PKD1L1: variants seen among roughly 807,000 people sequenced by gnomAD.
The protein encoded by PKD1L1 is polycystin-1-like protein 1.
In PKD1L1, 236 loss-of-function variants were observed where a neutral mutation model predicts 323.4. That is an observed-to-expected ratio of 0.73 (90% confidence interval 0.66 to 0.81). The LOEUF is 0.81. Among genes scored for constraint, PKD1L1 ranks in the 40% least tolerant of loss-of-function variants. The probability of loss-of-function intolerance (pLI) is 0.00; values close to 1 mark genes in which losing one functional copy is unlikely to be tolerated. For synonymous variants in PKD1L1, 1,344 were observed against 1,335.0 expected (o/e 1.01, Z -0.15); for missense variants, 3,320 against 3,508.0 (o/e 0.95, Z 1.35).
At chr7:47,866,343 G>A (rs1786167835) in intron 25 of PKD1L1, 76 bp downstream of exon 25, 1 of 1,483,154 alleles carries the variant, frequency 6.7e-7, no homozygotes, top group Non-Finnish European at 9.1e-7. Flanking sequence ...CCACTTGCTA[G>A]TGAGCCAGCC....
intron 37 of PKD1L1, among the ~76,000 whole-genome samples, chr7:47,835,870 C>G (rs573129703): frequency 1.3e-5 from 2 of 152,146 alleles, no homozygotes; most frequent in African/African-American, 2.4e-5. Flanking sequence ...TTATACAAAT[C>G]GTTTTGGATT....
chr7:47,890,039 G>A (rs970390998), intron 16 of PKD1L1, among the ~76,000 whole-genome samples: 9 of 152,224 alleles, frequency 5.9e-5, no homozygotes, highest in African/African-American at 9.7e-5. Context: ...TGGCCTCAGC[G>A]CTACAGGGGT....
intron 15 of PKD1L1, 132 bp from the exon 16 acceptor site, chr7:47,890,895 C>T (rs552795565): frequency 2.6e-4 from 202 of 772,676 alleles, no homozygotes; most frequent in Admixed American, 1.1e-3. Flanking sequence ...ATATTGCTTC[C>T]CACATTTTCT....
chr7:47,927,814 T>C (rs954660292), intron 7 of PKD1L1, among the ~76,000 whole-genome samples: 8 of 152,232 alleles, frequency 5.3e-5, no homozygotes, highest in Non-Finnish European at 1.2e-4. Flanking sequence ...CAATTACAGA[T>C]GCACATAGCA....
At position 47,813,926 on chromosome 7, in the gene PKD1L1, CT is replaced by C. The variant is rs1562942549; in HGVS notation, c.7173+4del. ...TTGGAAGCAAAAGGAAAAGGAACAT[CT>C]TACCTTGCATAAATGCCTAGGAAAA... On this transcript the variant is annotated splice_donor_region_variant and intron_variant, in intron 48 of 56. Coordinates refer to ENST00000289672, the MANE Select transcript of PKD1L1 (RefSeq NM_138295.5). 1 of 1,611,610 alleles carries C rather than the reference CT, an allele frequency of 6.2e-7. No individual in the cohort carries two copies. Among genetic ancestry groups the C allele is most frequent in the Non-Finnish European group, 8.5e-7 (1 of 1,177,718 alleles).
chr7:47,902,794 C>A (rs1177991965), intron 12 of PKD1L1, among the ~76,000 whole-genome samples: 3 of 152,236 alleles, frequency 2.0e-5, no homozygotes, highest in African/African-American at 7.2e-5. Flanking sequence ...ATGTGAGGGG[C>A]ATGTTGCTTC....
At chr7:47,788,577 A>AT (rs34984408) in intron 56 of PKD1L1, among the ~76,000 whole-genome samples, 3,655 of 138,032 alleles carry the variant, frequency 0.026, 104 homozygotes, top group African/African-American at 0.075. Context: ...ATATATATAT[A>AT]TTTTTTTTTT....
chr7:47,891,180 C>A (rs988898102), intron 15 of PKD1L1, among the ~76,000 whole-genome samples: 2 of 152,108 alleles, frequency 1.3e-5, no homozygotes, highest in African/African-American at 4.8e-5. Flanking sequence ...CTATGTGAGC[C>A]CAGTTTTAGG....
chr7:47,802,293 C>A (rs1172705680), intron 53 of PKD1L1, among the ~76,000 whole-genome samples: 1 of 152,006 alleles, frequency 6.6e-6, no homozygotes, highest in Non-Finnish European at 1.5e-5. Context: ...ATCTCAAAGG[C>A]CAGTAGTAAC....
At chr7:47,817,545 A>G (rs938891944) in intron 46 of PKD1L1, among the ~76,000 whole-genome samples, 1 of 152,094 alleles carries the variant, frequency 6.6e-6, no homozygotes, top group African/African-American at 2.4e-5. Flanking sequence ...GCCTCAACCA[A>G]TAATCTGTAT....
In PKD1L1 at chr7:47,809,309, T is replaced by C. The variant is rs558760545; in HGVS notation, c.7686+164A>G. Reference sequence around the variant, plus strand: ...CGGTAACTGTAACAACACTAAATGATACCTGATCTCAAATGCTGTTTTGAG... The same window carrying C: ...CGGTAACTGTAACAACACTAAATGACACCTGATCTCAAATGCTGTTTTGAG... On this transcript the variant is annotated intron_variant, in intron 51 of 56. Coordinates refer to ENST00000289672, the MANE Select transcript of PKD1L1 (RefSeq NM_138295.5). The C allele has an allele frequency of 9.0e-4, 523 of 580,988 alleles. 2 individuals carry two copies. Among genetic ancestry groups the C allele is most frequent in the Non-Finnish European group, 9.0e-4 (302 of 334,456 alleles). The allele number at this position is 580,988 out of a possible 1,614,324, so 36.0% of individuals were successfully genotyped here. A position where few individuals can be genotyped will look rare whatever the true frequency, so the allele number is the denominator to read the frequency against.
intron 13 of PKD1L1, 120 bp downstream of exon 13, chr7:47,902,259 A>G: frequency 7.3e-7 from 1 of 1,372,912 alleles, no homozygotes; most frequent in Non-Finnish European, 9.8e-7. Flanking sequence ...AAATTGCAGT[A>G]GGATAAACTG....
At chr7:47,835,326 T>G in intron 37 of PKD1L1, 83 bp from the exon 38 acceptor site, 1 of 816,964 alleles carries the variant, frequency 1.2e-6, no homozygotes, top group Non-Finnish European at 2.0e-6. Context: ...TACAAATACA[T>G]GTAATGTGAA....
At chr7:47,866,724 G>T in intron 24 of PKD1L1, 110 bp from the exon 25 acceptor site, 1 of 851,590 alleles carries the variant, frequency 1.2e-6, no homozygotes, top group Non-Finnish European at 1.8e-6. Flanking sequence ...CTTGGACAGG[G>T]CAGGGTAGAA....
At chr7:47,910,493 C>G (rs1201430490) in intron 8 of PKD1L1, among the ~76,000 whole-genome samples, 2 of 151,898 alleles carry the variant, frequency 1.3e-5, no homozygotes, top group African/African-American at 4.8e-5. Flanking sequence ...CGCCACCATG[C>G]CTGGCTAATT....
intron 1 of PKD1L1, among the ~76,000 whole-genome samples, chr7:47,943,873 TC>T (rs1226360992): frequency 6.6e-6 from 1 of 152,072 alleles, no homozygotes; most frequent in African/African-American, 2.4e-5. Flanking sequence ...CCTCCTCTCT[TC>T]CTGCCTCATC....
At chr7:47,863,323 T>G (rs761434122) in intron 26 of PKD1L1, among the ~76,000 whole-genome samples, 28 of 152,084 alleles carry the variant, frequency 1.8e-4, no homozygotes, top group Admixed American at 3.3e-4. Flanking sequence ...CGTGTAGTTA[T>G]ACGTGCGTGT....
At position 47,931,100 on chromosome 7, in the gene PKD1L1, G is replaced by C; in HGVS notation, c.737+4C>G. The C allele has an allele frequency of 6.2e-7, 1 of 1,613,058 alleles. No homozygotes were observed. On this transcript the variant is annotated splice_donor_region_variant and intron_variant, in intron 6 of 56. Coordinates refer to ENST00000289672, the MANE Select transcript of PKD1L1 (RefSeq NM_138295.5). Reference sequence around the variant, plus strand: ...TGCTGGCCTCCATACCTCCTTCACCGTACCTTCTGGGAGAAGTGGGAAAAT... The same window carrying C: ...TGCTGGCCTCCATACCTCCTTCACCCTACCTTCTGGGAGAAGTGGGAAAAT...
intron 26 of PKD1L1, among the ~76,000 whole-genome samples, chr7:47,860,701 T>G (rs541468573): frequency 4.7e-4 from 72 of 152,210 alleles, no homozygotes; most frequent in Admixed American, 9.8e-4. Context: ...CAATGCCCAC[T>G]TTTTTGACCA....
Sources: gnomAD v4.1 joint callset for allele counts (sites outside exome capture counted in the v4.1 genomes callset) on GRCh38, gnomAD v4.1.1 for gene constraint, MANE v1.5 for transcripts, NCBI Gene and HGNC (gene_info 2026-07-23, HGNC 2026-07-21) for gene names.